The following EYA2 variants were observed in gnomAD, a reference collection of about 807,000 sequenced individuals.
The protein encoded by EYA2 is EYA transcriptional coactivator and phosphatase 2.
Under a neutral mutation model 69.2 loss-of-function variants are expected in EYA2, and 31 were observed. That is an observed-to-expected ratio of 0.45 (90% CI 0.34 to 0.60). The LOEUF (loss-of-function observed/expected upper bound fraction) is 0.60. Among genes scored for constraint, EYA2 ranks in the 20% least tolerant of loss-of-function variants. EYA2 has a pLI of 0.02. For synonymous variants in EYA2, 257 were observed against 279.4 expected (o/e 0.92, Z 0.80); for missense variants, 622 against 701.2 (o/e 0.89, Z 1.28).
chr20:46,987,760 C>G (rs1038550232), intron 1 of EYA2, among the ~76,000 whole-genome samples: 4 of 151,696 alleles, frequency 2.6e-5, no homozygotes, highest in Non-Finnish European at 4.4e-5. Context: ...AACCCCGTCT[C>G]TACTAAAAAT....
intron 9 of EYA2, among the ~76,000 whole-genome samples, chr20:47,106,445 G>T (rs1292792232): frequency 6.6e-6 from 1 of 152,180 alleles, no homozygotes; most frequent in Admixed American, 6.5e-5. Flanking sequence ...ATTCCTACTT[G>T]CAGCCTTTGT....
chr20:47,147,618 GAAC>G (rs1417741115), intron 10 of EYA2, among the ~76,000 whole-genome samples: 1 of 152,178 alleles, frequency 6.6e-6, no homozygotes, highest in Non-Finnish European at 1.5e-5. Context: ...GGAGGGTTTG[GAAC>G]AACATGATGT....
At chr20:47,080,176 T>C (rs2146488462) in intron 7 of EYA2, among the ~76,000 whole-genome samples, 1 of 152,140 alleles carries the variant, frequency 6.6e-6, no homozygotes, top group South Asian at 2.1e-4. Context: ...TAGAAATAAA[T>C]TTCAGAAAGA....
chr20:47,110,796 C>G (rs2032728876), intron 9 of EYA2, among the ~76,000 whole-genome samples: 1 of 152,202 alleles, frequency 6.6e-6, no homozygotes, highest in Non-Finnish European at 1.5e-5. Flanking sequence ...AAATAAGATT[C>G]CAGGGCATTC....
intron 8 of EYA2, 152 bp downstream of exon 8, chr20:47,089,533 C>A: frequency 1.1e-6 from 1 of 869,906 alleles, no homozygotes; most frequent in South Asian, 1.8e-5. Context: ...GTTGTCCAAG[C>A]AGGTAGTCCT....
chr20:46,968,209 A>G (rs1385248174), intron 1 of EYA2, among the ~76,000 whole-genome samples: 3 of 152,214 alleles, frequency 2.0e-5, no homozygotes, highest in Non-Finnish European at 2.9e-5. Flanking sequence ...GAAGGTGCCC[A>G]TCTAGGGCCC....
At chr20:47,042,992 G>A (rs1269617207) in intron 5 of EYA2, among the ~76,000 whole-genome samples, 1 of 152,210 alleles carries the variant, frequency 6.6e-6, no homozygotes, top group African/African-American at 2.4e-5. Context: ...AACAAGAAAG[G>A]AGAGGAAGCA....
At chr20:47,002,921 G>T (rs145591249) in intron 3 of EYA2, among the ~76,000 whole-genome samples, 60 of 152,316 alleles carry the variant, frequency 3.9e-4, no homozygotes, top group Middle Eastern at 3.4e-3. Context: ...AAGAAAGAAG[G>T]GCATAGGGAC....
At chr20:46,963,935 C>G (rs144874725) in intron 1 of EYA2, among the ~76,000 whole-genome samples, 1 of 152,234 alleles carries the variant, frequency 6.6e-6, no homozygotes, top group African/African-American at 2.4e-5. Flanking sequence ...GGCCCACAGG[C>G]TTCGGGTCCT....
intron 5 of EYA2, among the ~76,000 whole-genome samples, chr20:47,024,273 T>G (rs1269639022): frequency 6.6e-6 from 1 of 152,226 alleles, no homozygotes; most frequent in African/African-American, 2.4e-5. Flanking sequence ...TGAGTCTTGC[T>G]TTCAGCCTTG....
chr20:47,092,786 T>C (rs1464915291), intron 8 of EYA2, among the ~76,000 whole-genome samples: 2 of 152,182 alleles, frequency 1.3e-5, no homozygotes, highest in Non-Finnish European at 2.9e-5. Flanking sequence ...ACTTCTATGC[T>C]TAATGTCATC....
At chr20:47,162,594 T>C (rs1329405769) in intron 10 of EYA2, among the ~76,000 whole-genome samples, 1 of 140,942 alleles carries the variant, frequency 7.1e-6, no homozygotes, top group Non-Finnish European at 1.5e-5. Flanking sequence ...CATAACTCAC[T>C]CCAGCCTCGA....
intron 4 of EYA2, among the ~76,000 whole-genome samples, chr20:47,012,618 T>G (rs1014152155): frequency 6.6e-6 from 1 of 152,190 alleles, no homozygotes; most frequent in Non-Finnish European, 1.5e-5. Context: ...CTCAGCTTCC[T>G]GAGTAGCTGG....
intron 12 of EYA2, among the ~76,000 whole-genome samples, chr20:47,178,814 TGG>T (rs199917307): frequency 0.11 from 1,755 of 16,530 alleles, 49 homozygotes; most frequent in East Asian, 0.39. Flanking sequence ...GATGGGTGGA[TGG>T]GTGGGTGGGT....
intron 1 of EYA2, among the ~76,000 whole-genome samples, chr20:46,966,741 C>T (rs770265959): frequency 3.3e-5 from 5 of 151,558 alleles, no homozygotes; most frequent in Non-Finnish European, 5.9e-5. Flanking sequence ...ACCTGGGAGG[C>T]GGACCTTGCA....
intron 10 of EYA2, among the ~76,000 whole-genome samples, chr20:47,157,480 A>G (rs2033977495): frequency 1.3e-5 from 2 of 151,862 alleles, no homozygotes; most frequent in African/African-American, 4.8e-5. Context: ...AATTCATAAG[A>G]ATAATTGGAA....
At chr20:46,994,547 A>T (rs1382994053) in intron 2 of EYA2, among the ~76,000 whole-genome samples, 1 of 151,960 alleles carries the variant, frequency 6.6e-6, no homozygotes, top group Non-Finnish European at 1.5e-5. Context: ...GCATGACAAG[A>T]CCTCATTTTC....
intron 1 of EYA2, among the ~76,000 whole-genome samples, chr20:46,989,383 A>G (rs1188020681): frequency 6.6e-6 from 1 of 152,180 alleles, no homozygotes; most frequent in Non-Finnish European, 1.5e-5. Flanking sequence ...CTCCTGCCTC[A>G]GCCTCCCGAG....
intron 7 of EYA2, among the ~76,000 whole-genome samples, chr20:47,080,007 C>T (rs1407010725): frequency 6.6e-6 from 1 of 152,208 alleles, no homozygotes; most frequent in Non-Finnish European, 1.5e-5. Context: ...ATCTGTAGAA[C>T]ACTCCACCCA....
Sources: allele counts gnomAD v4.1 joint callset (sites outside exome capture counted in the v4.1 genomes callset), GRCh38; gene constraint gnomAD v4.1.1; transcripts MANE v1.5; gene names NCBI Gene and HGNC (gene_info 2026-07-23, HGNC 2026-07-21).